SDK1: variants seen among roughly 807,000 people sequenced by gnomAD.
The protein encoded by SDK1 is sidekick cell adhesion molecule 1, also known as protein sidekick-1.
In SDK1, 157 loss-of-function variants were observed where a neutral mutation model predicts 245.5. The observed-to-expected ratio is 0.64, with a 90% CI of 0.56 to 0.73. The LOEUF is 0.73. SDK1 is among the 30% of genes least tolerant of loss of function. SDK1 has a pLI of 0.00. For missense variants in SDK1, 3,583 were observed against 3,002.3 expected, an observed-to-expected ratio of 1.19 and a Z score of -4.52; for synonymous variants, 1,647 against 1,278.5, an observed-to-expected ratio of 1.29 and a Z score of -6.15.
intron 4 of SDK1, among the ~76,000 whole-genome samples, chr7:3,701,039 C>G (rs558256795): frequency 6.6e-5 from 10 of 152,064 alleles, no homozygotes; most frequent in Non-Finnish European, 1.5e-4. Context: ...AGTTGCCGCG[C>G]AGGGAGGAGG....
intron 5 of SDK1, among the ~76,000 whole-genome samples, chr7:3,825,808 T>C (rs1450844195): frequency 6.6e-6 from 1 of 152,162 alleles, no homozygotes; most frequent in African/African-American, 2.4e-5. Context: ...CCTTGTACCG[T>C]TAACATTAAA....
At chr7:4,233,216 C>T (rs776619670) in intron 40 of SDK1, 39 bp from the exon 41 acceptor site, 2 of 1,595,834 alleles carry the variant, frequency 1.3e-6, no homozygotes, top group South Asian at 1.1e-5. Context: ...GGACTTCGCA[C>T]TTCTAACCTC....
At chr7:3,936,208 G>A (rs1427005534) in intron 5 of SDK1, among the ~76,000 whole-genome samples, 1 of 152,146 alleles carries the variant, frequency 6.6e-6, no homozygotes, top group Non-Finnish European at 1.5e-5. Flanking sequence ...CAGAAAGTAG[G>A]ATGGTGGGTG....
chr7:4,048,907 T>C (rs888197396), intron 17 of SDK1, among the ~76,000 whole-genome samples: 2 of 152,216 alleles, frequency 1.3e-5, no homozygotes, highest in African/African-American at 4.8e-5. Context: ...GTGATGATTT[T>C]GTTTGCTTGT....
At chr7:3,785,903 G>A (rs1475373314) in intron 4 of SDK1, among the ~76,000 whole-genome samples, 2 of 152,214 alleles carry the variant, frequency 1.3e-5, no homozygotes, top group African/African-American at 4.8e-5. Flanking sequence ...AAAATAGTGA[G>A]AGAAATATTC....
intron 17 of SDK1, among the ~76,000 whole-genome samples, chr7:4,040,781 G>T (rs1382786466): frequency 6.6e-6 from 1 of 152,108 alleles, no homozygotes; most frequent in African/African-American, 2.4e-5. Flanking sequence ...TATCTCCCCC[G>T]CTGGTGCCTT....
intron 1 of SDK1, among the ~76,000 whole-genome samples, chr7:3,516,251 G>C (rs1446103878): frequency 1.3e-5 from 2 of 150,978 alleles, no homozygotes; most frequent in African/African-American, 4.9e-5. Context: ...TACATAGTAT[G>C]TATACCATCA....
intron 1 of SDK1, among the ~76,000 whole-genome samples, chr7:3,482,386 A>C (rs993823487): frequency 9.9e-5 from 15 of 152,102 alleles, no homozygotes; most frequent in Admixed American, 3.3e-4. Flanking sequence ...GTCTGCTTTG[A>C]TGGCTGCATG....
chr7:3,893,375 A>G (rs111760851), intron 5 of SDK1, among the ~76,000 whole-genome samples: 1,610 of 152,124 alleles, frequency 0.011, 34 homozygotes, highest in African/African-American at 0.037. Flanking sequence ...TTGGCTTGCT[A>G]TGCTTATCTG....
At chr7:3,312,895 A>T (rs1215588516) in intron 1 of SDK1, among the ~76,000 whole-genome samples, 2 of 152,212 alleles carry the variant, frequency 1.3e-5, no homozygotes, top group African/African-American at 4.8e-5. Context: ...AACCGTAGTA[A>T]ACCCCACACA....
intron 4 of SDK1, among the ~76,000 whole-genome samples, chr7:3,694,539 G>A (rs372187919): frequency 1.4e-4 from 21 of 150,784 alleles, no homozygotes; most frequent in African/African-American, 5.1e-4. Context: ...GTTACCTCTG[G>A]CACTTACATT....
chr7:3,458,365 G>A (rs1477536244), intron 1 of SDK1, among the ~76,000 whole-genome samples: 1 of 152,002 alleles, frequency 6.6e-6, no homozygotes, highest in Non-Finnish European at 1.5e-5. Context: ...AGTGCCTAGA[G>A]CACTGTTTCC....
intron 4 of SDK1, among the ~76,000 whole-genome samples, chr7:3,685,356 T>A (rs556249273): frequency 5.9e-5 from 9 of 152,298 alleles, no homozygotes; most frequent in Admixed American, 1.3e-4. Flanking sequence ...AAATTTTGCA[T>A]CTGGTAAAAA....
chr7:4,266,152 C>G lies in SDK1; in HGVS notation c.*768C>G. On this transcript the variant is annotated 3_prime_UTR_variant, in exon 45 of 45. Coordinates refer to ENST00000404826, the MANE Select transcript of SDK1 (RefSeq NM_152744.4). ...GCCACCACGCTGGCCCTCTCCTTCCCCGAACACAGCACACGGTCAACTCCG... is the reference window on the plus strand; with the variant it reads ...GCCACCACGCTGGCCCTCTCCTTCCGCGAACACAGCACACGGTCAACTCCG... The G allele has an allele frequency of 1.0e-6, 1 of 985,524 alleles. No homozygotes were observed. The highest frequency in any genetic ancestry group is 1.2e-6 in the Non-Finnish European group (1 of 829,976). 61.0% of individuals were successfully genotyped at this position (985,524 alleles called of 1,614,324 possible). A position where few individuals can be genotyped will look rare whatever the true frequency, so the allele number is the denominator to read the frequency against.
intron 1 of SDK1, among the ~76,000 whole-genome samples, chr7:3,418,525 T>TAA (rs900561178): frequency 1.3e-5 from 2 of 148,320 alleles, no homozygotes; most frequent in Non-Finnish European, 3.0e-5. Flanking sequence ...ACAGGTGGCA[T>TAA]AAAAAAAAAA....
intron 5 of SDK1, among the ~76,000 whole-genome samples, chr7:3,925,661 C>T (rs1243937788): frequency 6.6e-6 from 1 of 152,162 alleles, no homozygotes; most frequent in African/African-American, 2.4e-5. Flanking sequence ...GCACACGGAT[C>T]CTTCCTTCTC....
intron 17 of SDK1, among the ~76,000 whole-genome samples, chr7:4,032,529 T>TAAA (rs1432528067): frequency 2.0e-5 from 3 of 152,166 alleles, no homozygotes; most frequent in African/African-American, 7.2e-5. Context: ...AGGCGAGGTA[T>TAAA]AAATCCCCAA....
intron 1 of SDK1, among the ~76,000 whole-genome samples, chr7:3,583,538 C>G (rs976814184): frequency 2.0e-5 from 3 of 152,192 alleles, no homozygotes; most frequent in Non-Finnish European, 4.4e-5. Flanking sequence ...TAGTTCATAG[C>G]ACTGATTTCT....
intron 5 of SDK1, among the ~76,000 whole-genome samples, chr7:3,841,427 C>CAGCACAGAACTGCGTA (rs1409652497): frequency 2.0e-5 from 3 of 152,192 alleles, no homozygotes; most frequent in Non-Finnish European, 4.4e-5. Flanking sequence ...ATTTGCTTGG[C>CAGCACAGAACTGCGTA]AGCACAGAAC....
Sources: allele counts gnomAD v4.1 joint callset (sites outside exome capture counted in the v4.1 genomes callset), GRCh38; gene constraint gnomAD v4.1.1; transcripts MANE v1.5; gene names NCBI Gene and HGNC (gene_info 2026-07-23, HGNC 2026-07-21).